Variants in ANKRD30B observed in about 807,000 individuals in gnomAD.
The protein encoded by ANKRD30B is ankyrin repeat domain-containing protein 30B.
Under a neutral mutation model 202.2 loss-of-function variants are expected in ANKRD30B, and 144 were observed. That is an observed-to-expected ratio of 0.71 (90% CI 0.62 to 0.82). ANKRD30B has a LOEUF of 0.82. Ranked by LOEUF, ANKRD30B falls within the 40% of genes least tolerant of loss-of-function variation. The probability of loss-of-function intolerance (pLI) is 0.00; values close to 1 mark genes in which losing one functional copy is unlikely to be tolerated. For synonymous variants in ANKRD30B, 508 were observed against 561.3 expected, an observed-to-expected ratio of 0.91 and a Z score of 1.34; for missense variants, 1,487 against 1,669.1, an observed-to-expected ratio of 0.89 and a Z score of 1.90.
chr18:14,833,437 A>C (rs1453914308), intron 34 of ANKRD30B, among the ~76,000 whole-genome samples: 1 of 152,150 alleles, frequency 6.6e-6, no homozygotes, highest in East Asian at 1.9e-4. Flanking sequence ...TTTAATAGAG[A>C]GGGGGTTTCA....
the ANKRD30B span, among the ~76,000 whole-genome samples, chr18:14,902,707 C>T: frequency 3.3e-5 from 5 of 152,108 alleles, no homozygotes; most frequent in African/African-American, 4.8e-5. Context: ...CCCAGGGTAC[C>T]GCCCCAGACA....
chr18:14,846,219 T>C (rs2143225223), intron 39 of ANKRD30B, among the ~76,000 whole-genome samples: 1 of 152,214 alleles, frequency 6.6e-6, no homozygotes, highest in Non-Finnish European at 1.5e-5. Context: ...CATTTGAAGT[T>C]AGTTCAAAAT....
At chr18:14,895,315 T>C in the ANKRD30B span, among the ~76,000 whole-genome samples, 2 of 151,842 alleles carry the variant, frequency 1.3e-5, no homozygotes, top group African/African-American at 4.8e-5. Context: ...GAATCGCAAA[T>C]TAAAACAACA....
chr18:14,789,145 T>C (rs2143910317), intron 15 of ANKRD30B, among the ~76,000 whole-genome samples: 1 of 152,364 alleles, frequency 6.6e-6, no homozygotes, highest in East Asian at 1.9e-4. Context: ...TGATGGCCAA[T>C]GATGGTGAGC....
intron 14 of ANKRD30B, among the ~76,000 whole-genome samples, chr18:14,785,480 G>A (rs1370479830): frequency 6.6e-6 from 1 of 152,178 alleles, no homozygotes; most frequent in Non-Finnish European, 1.5e-5. Flanking sequence ...AAAACATGCA[G>A]ATTTCCAAGT....
chr18:14,818,088 T>C (rs1970211148), intron 30 of ANKRD30B, among the ~76,000 whole-genome samples: 1 of 152,170 alleles, frequency 6.6e-6, no homozygotes, highest in South Asian at 2.1e-4. Flanking sequence ...AGATTAAGCA[T>C]GTTTTATTCA....
chr18:14,772,248 A>T lies in ANKRD30B; in HGVS notation c.1329+20A>T. On this transcript the variant is annotated intron_variant, in intron 9 of 43. Transcript: ENST00000690538. Reference sequence around the variant, plus strand: ...ACCAAGGTAAAATGTTCTTTTGTGAAGTTGATTTTCTCAGTTGCAATATAT... The same window carrying T: ...ACCAAGGTAAAATGTTCTTTTGTGATGTTGATTTTCTCAGTTGCAATATAT... 3 of 1,447,438 alleles carry T rather than the reference A, an allele frequency of 2.1e-6. No homozygotes were observed. The highest frequency in any genetic ancestry group is 2.8e-6 in the Non-Finnish European group (3 of 1,078,076). 89.7% of individuals were successfully genotyped at this position (1,447,438 alleles called of 1,614,324 possible).
the ANKRD30B span, chr18:14,883,507 T>G: frequency 6.7e-6 from 1 of 148,310 alleles, no homozygotes; most frequent in South Asian, 2.2e-4. Context: ...GTACCTACCA[T>G]TGAAATCAAT....
At chr18:14,829,472 C>T (rs1206085606) in intron 33 of ANKRD30B, among the ~76,000 whole-genome samples, 1 of 151,962 alleles carries the variant, frequency 6.6e-6, no homozygotes, top group African/African-American at 2.4e-5. Flanking sequence ...CTGGAAAACC[C>T]AGTAGAAGTA....
At chr18:14,922,504 A>T in the ANKRD30B span, among the ~76,000 whole-genome samples, 1 of 151,386 alleles carries the variant, frequency 6.6e-6, no homozygotes, top group East Asian at 1.9e-4. Flanking sequence ...AAATACAAAA[A>T]ATTAGCCGGG....
chr18:14,927,673 T>A, the ANKRD30B span, among the ~76,000 whole-genome samples: 5 of 152,318 alleles, frequency 3.3e-5, no homozygotes, highest in African/African-American at 1.2e-4. Context: ...AGATATTAAA[T>A]ATTTTGCTGT....
chr18:14,797,365 T>C (rs1451002007), intron 18 of ANKRD30B, among the ~76,000 whole-genome samples: 8 of 152,298 alleles, frequency 5.3e-5, no homozygotes, highest in Admixed American at 6.5e-5. Context: ...GCACATCACG[T>C]GCTGTTGGCT....
chr18:14,920,568 G>T, the ANKRD30B span, among the ~76,000 whole-genome samples: 4 of 152,194 alleles, frequency 2.6e-5, no homozygotes, highest in Non-Finnish European at 1.5e-5. Context: ...AGAAAAAAAT[G>T]AGTGACAGCA....
chr18:14,809,110 T>A (rs1969748169), intron 26 of ANKRD30B, among the ~76,000 whole-genome samples: 2 of 144,598 alleles, frequency 1.4e-5, no homozygotes, highest in Admixed American at 1.4e-4. Context: ...ATTCACTAGA[T>A]ATACCCGCAT....
chr18:14,806,483 T>G (rs1278828128), intron 24 of ANKRD30B, among the ~76,000 whole-genome samples: 1 of 150,964 alleles, frequency 6.6e-6, no homozygotes, highest in East Asian at 1.9e-4. Flanking sequence ...CGTCCTGATT[T>G]TAAAATCTCC....
chr18:14,840,943 CAG>C (rs375869045), intron 37 of ANKRD30B, among the ~76,000 whole-genome samples: 158 of 152,168 alleles, frequency 1.0e-3, no homozygotes, highest in African/African-American at 3.7e-3. Context: ...CTGAGGAAGA[CAG>C]AGAGTACAGG....
At chr18:14,913,129 C>A in the ANKRD30B span, among the ~76,000 whole-genome samples, 2 of 152,234 alleles carry the variant, frequency 1.3e-5, no homozygotes, top group Non-Finnish European at 2.9e-5. Flanking sequence ...ATTTCCTGCA[C>A]ATCCATGTGG....
rs368220808 is a variant in ANKRD30B at position 14,766,606 on chromosome 18, G to T, written c.1225+2516G>T. On this transcript the variant is annotated intron_variant, in intron 7 of 43. Transcript: ENST00000690538. ...ATATTGAGTTCAATGAAACATTCAT[G>T]TGGGATATTTTCTGTAGGTAATTGG... 2.6e-5 allele frequency among the ~76,000 whole-genome samples: 4 copies of T among 151,978 alleles called. No individual in the cohort carries two copies. The East Asian group carries it at 7.7e-4, about 29-fold the overall frequency.
At chr18:14,896,674 G>C in the ANKRD30B span, among the ~76,000 whole-genome samples, 2 of 144,852 alleles carry the variant, frequency 1.4e-5, no homozygotes, top group African/African-American at 2.6e-5. Context: ...ACTTCTTTTT[G>C]TGAAATATGG....
Sources: gnomAD v4.1 joint callset for allele counts (sites outside exome capture counted in the v4.1 genomes callset) on GRCh38, gnomAD v4.1.1 for gene constraint, MANE v1.5 for transcripts, NCBI Gene and HGNC (gene_info 2026-07-23, HGNC 2026-07-21) for gene names.